The following AHCTF1 variants were observed in gnomAD, a reference collection of about 807,000 sequenced individuals.
AHCTF1 encodes AT-hook containing transcription factor 1.
Under a neutral mutation model 248.4 loss-of-function variants are expected in AHCTF1, and 24 were observed. The ratio of observed to expected loss-of-function variants is 0.10; its 90% CI spans 0.07 to 0.14. The LOEUF (loss-of-function observed/expected upper bound fraction) is 0.14, where lower values mean the gene tolerates loss of function less well. Among genes scored for constraint, AHCTF1 ranks in the 10% least tolerant of loss-of-function variants. The pLI is 1.00. For synonymous variants in AHCTF1, 786 were observed against 929.8 expected, an observed-to-expected ratio of 0.85 and a Z score of 2.81; for missense variants, 2,206 against 2,636.2, an observed-to-expected ratio of 0.84 and a Z score of 3.57.
At chr1:246,884,146 CTTCT>C (rs777668786) in intron 21 of AHCTF1, among the ~76,000 whole-genome samples, 11 of 152,158 alleles carry the variant, frequency 7.2e-5, no homozygotes, top group Non-Finnish European at 1.3e-4. Flanking sequence ...CCACATTTAG[CTTCT>C]TTATTTTGTT....
chr1:246,904,482 T>C (rs1477570384), intron 6 of AHCTF1, among the ~76,000 whole-genome samples: 1 of 152,186 alleles, frequency 6.6e-6, no homozygotes, highest in Non-Finnish European at 1.5e-5. Context: ...ATAAACAAAA[T>C]ATCCTTTATG....
rs546243446 is a variant in AHCTF1 at position 246,856,948 on chromosome 1, T to C, written c.4256+743A>G. Among the ~76,000 whole-genome samples, 50 of 152,348 alleles carry C rather than the reference T, an allele frequency of 3.3e-4. No homozygotes were observed. In the South Asian group the frequency reaches 5.2e-3, roughly 16 times the overall value. ...TTACTGAATCACCCTTACTACTACT[T>C]GATAACTGAAGCTGTCCCTTTTTTG... On this transcript the variant is annotated intron_variant, in intron 30 of 35. Coordinates refer to ENST00000648844, the MANE Select transcript of AHCTF1 (RefSeq NM_001323342.2).
chr1:246,868,734 A>C (rs1435165697), intron 24 of AHCTF1, among the ~76,000 whole-genome samples: 1 of 151,216 alleles, frequency 6.6e-6, no homozygotes, highest in Non-Finnish European at 1.5e-5. Context: ...TCTTCTAAGA[A>C]AGGCTTACAT....
At chr1:246,886,611 T>C (rs1215963886) in intron 20 of AHCTF1, among the ~76,000 whole-genome samples, 1 of 152,170 alleles carries the variant, frequency 6.6e-6, no homozygotes, top group Non-Finnish European at 1.5e-5. Context: ...TGAATATTTC[T>C]GATCTACAGT....
In AHCTF1 at chr1:246,850,839, T is replaced by C; in HGVS notation, c.5167A>G (p.Thr1723Ala). Residue 1723 changes from threonine (T) to alanine (A), a missense_variant, in exon 33 of 36, where the codon ACA (threonine) becomes GCA (alanine). Physicochemically the swap from Thr to Ala is moderately conservative, Grantham distance 58. This residue lies in a region of AHCTF1 where 955 missense variants were observed against 1,055.6 expected (regional missense o/e 0.90). Transcript: ENST00000648844. ...SAFKTAQETSTMTMNVSQVDD... is the reference protein window; with the variant it reads ...SAFKTAQETSAMTMNVSQVDD... ...ACCTGGCTGACATTCATAGTCATTG[T>C]GCTTGTTTCCTGAGCAGTCTTAAAT... is the stretch of plus-strand genomic sequence containing the variant. 1 of 1,613,950 alleles carries C rather than the reference T, an allele frequency of 6.2e-7. No individual in the cohort carries two copies.
At chr1:246,902,777 GAA>G in intron 7 of AHCTF1, 102 bp from the exon 8 acceptor site, 1 of 1,173,974 alleles carries the variant, frequency 8.5e-7, no homozygotes, top group Non-Finnish European at 1.2e-6. Context: ...ACAATACAAA[GAA>G]AACAATTTAG....
chr1:246,897,689 CATT>C (rs1553299791), intron 12 of AHCTF1, among the ~76,000 whole-genome samples: 2 of 152,112 alleles, frequency 1.3e-5, no homozygotes, highest in Non-Finnish European at 1.5e-5. Context: ...AGTAAAAATA[CATT>C]ATTACAGGCT....
At chr1:246,853,787 T>A (rs992089782) in intron 31 of AHCTF1, among the ~76,000 whole-genome samples, 3 of 149,170 alleles carry the variant, frequency 2.0e-5, no homozygotes, top group African/African-American at 7.7e-5. Flanking sequence ...CAACAAAACA[T>A]CAATAAAAAA....
chr1:246,872,298 G>A (rs1169260021), intron 24 of AHCTF1, among the ~76,000 whole-genome samples: 1 of 152,074 alleles, frequency 6.6e-6, no homozygotes, highest in Non-Finnish European at 1.5e-5. Context: ...GTCCAGCTGG[G>A]GTGGCACGCC....
At chr1:246,913,109 T>A (rs75378536) in intron 4 of AHCTF1, 123 bp downstream of exon 4, 24 of 775,254 alleles carry the variant, frequency 3.1e-5, no homozygotes, top group Middle Eastern at 4.0e-4. Context: ...TTTTTTTTTT[T>A]ATAGATAGGA....
chr1:246,889,411 C>T (rs1317451543), intron 17 of AHCTF1, among the ~76,000 whole-genome samples: 1 of 152,118 alleles, frequency 6.6e-6, no homozygotes, highest in East Asian at 1.9e-4. Context: ...GACTTTATAA[C>T]TTATATAACA....
At chr1:246,931,044 A>T in intron 1 of AHCTF1, 1 of 1,470,052 alleles carries the variant, frequency 6.8e-7, no homozygotes, top group South Asian at 1.3e-5. Context: ...TTTTATTTTA[A>T]ATCTCCTTGA....
chr1:246,901,810 A>G (rs567460838), intron 8 of AHCTF1, among the ~76,000 whole-genome samples: 1 of 152,274 alleles, frequency 6.6e-6, no homozygotes, highest in Admixed American at 6.5e-5. Flanking sequence ...CCTGGGCATC[A>G]GAGTGAGACC....
intron 21 of AHCTF1, among the ~76,000 whole-genome samples, chr1:246,879,689 G>A (rs1209575999): frequency 1.3e-5 from 2 of 152,068 alleles, no homozygotes; most frequent in African/African-American, 2.4e-5. Context: ...TTAGCAAGGC[G>A]TGGTGGTGCA....
chr1:246,902,467 C>G, intron 8 of AHCTF1, 58 bp downstream of exon 8: 1 of 1,548,470 alleles, frequency 6.5e-7, no homozygotes, highest in Non-Finnish European at 8.7e-7. Flanking sequence ...GAAAATAACA[C>G]CTGTCATAAA....
intron 2 of AHCTF1, 109 bp from the exon 3 acceptor site, chr1:246,916,504 AT>A: frequency 1.0e-6 from 1 of 953,564 alleles, no homozygotes. Flanking sequence ...AACTTTACAT[AT>A]TATCTCCACA....
At chr1:246,870,438 C>A (rs571962811) in intron 24 of AHCTF1, among the ~76,000 whole-genome samples, 1 of 152,094 alleles carries the variant, frequency 6.6e-6, no homozygotes, top group South Asian at 2.1e-4. Context: ...AAAACAAAAA[C>A]AGACTAAAGA....
At chr1:246,879,175 C>A (rs1464842884) in intron 21 of AHCTF1, among the ~76,000 whole-genome samples, 1 of 151,978 alleles carries the variant, frequency 6.6e-6, no homozygotes, top group African/African-American at 2.4e-5. Flanking sequence ...ATAGGCAGGT[C>A]ACAAAAGAAA....
chr1:246,882,032 C>T (rs1372738141), intron 21 of AHCTF1, among the ~76,000 whole-genome samples: 8 of 142,580 alleles, frequency 5.6e-5, no homozygotes, highest in Admixed American at 4.3e-4. Flanking sequence ...GAGTCTTGCT[C>T]TGTCGCCCAG....
Sources: allele counts gnomAD v4.1 joint callset (sites outside exome capture counted in the v4.1 genomes callset), GRCh38; gene constraint gnomAD v4.1.1; regional missense constraint gnomAD v4.1.1; transcripts MANE v1.5; gene names NCBI Gene and HGNC (gene_info 2026-07-23, HGNC 2026-07-21).